Variants in PCDH15 observed in about 807,000 individuals in gnomAD.
The protein encoded by PCDH15 is protocadherin related 15.
In PCDH15, 129 loss-of-function variants were observed where a neutral mutation model predicts 178.5. The observed-to-expected ratio is 0.72, with a 90% CI of 0.63 to 0.84. The LOEUF is 0.84. Ranked by LOEUF, PCDH15 falls within the 40% of genes least tolerant of loss-of-function variation. PCDH15 has a pLI of 0.00. For missense variants in PCDH15, 2,230 were observed against 2,099.9 expected (o/e 1.06, Z -1.21); for synonymous variants, 800 against 732.0 (o/e 1.09, Z -1.50).
At chr10:55,173,548 A>C (rs1452584096) in intron 1 of PCDH15, among the ~76,000 whole-genome samples, 2 of 152,048 alleles carry the variant, frequency 1.3e-5, no homozygotes, top group African/African-American at 4.8e-5. Context: ...GTGTGGTTGA[A>C]AGCTTTAATG....
intron 28 of PCDH15, among the ~76,000 whole-genome samples, chr10:53,843,766 T>C (rs185853086): frequency 2.8e-4 from 42 of 152,230 alleles, no homozygotes; most frequent in Non-Finnish European, 5.3e-4. Context: ...TCAGGGCTTT[T>C]CATAAAATTA....
chr10:54,233,105 A>G (rs765168134), intron 9 of PCDH15, among the ~76,000 whole-genome samples: 1 of 151,538 alleles, frequency 6.6e-6, no homozygotes, highest in Non-Finnish European at 1.5e-5. Context: ...CACTATGCCC[A>G]GCTAATTCTT....
chr10:54,966,925 A>C (rs2131889882), intron 2 of PCDH15, among the ~76,000 whole-genome samples: 1 of 152,218 alleles, frequency 6.6e-6, no homozygotes, highest in South Asian at 2.1e-4. Context: ...GTAGTTGTGT[A>C]TCTAAAAATA....
chr10:54,198,731 G>C (rs2049939145), intron 10 of PCDH15, among the ~76,000 whole-genome samples: 1 of 95,016 alleles, frequency 1.1e-5, no homozygotes, highest in Non-Finnish European at 1.9e-5. Flanking sequence ...TCGATCTCCT[G>C]ACCTCGTGAT....
Position 54,549,254 on chromosome 10 carries a change from C to T in PCDH15, c.92-21377G>A, listed in dbSNP as rs187499921. Reference sequence around the variant, plus strand: ...ACACACACAATATTTCAGATAGATGCTTATTTTGTTGATTTTCAGCCTTTC... The same window carrying T: ...ACACACACAATATTTCAGATAGATGTTTATTTTGTTGATTTTCAGCCTTTC... On this transcript the variant is annotated intron_variant, in intron 2 of 37. Coordinates refer to ENST00000644397, the MANE Select transcript of PCDH15 (RefSeq NM_001384140.1). 5.7e-4 allele frequency among the ~76,000 whole-genome samples: 86 copies of T among 151,190 alleles called. 2 individuals carry two copies. The highest frequency in any genetic ancestry group is 5.4e-3 in the Admixed American group (82 of 15,138).
chr10:54,945,529 A>G (rs774246150), intron 2 of PCDH15, among the ~76,000 whole-genome samples: 2 of 151,630 alleles, frequency 1.3e-5, no homozygotes, highest in Non-Finnish European at 3.0e-5. Flanking sequence ...CAGTATGAGA[A>G]ATTTGTATTG....
At chr10:54,543,035 G>A (rs1308105780) in intron 2 of PCDH15, among the ~76,000 whole-genome samples, 3 of 152,170 alleles carry the variant, frequency 2.0e-5, no homozygotes, top group Non-Finnish European at 4.4e-5. Flanking sequence ...ACAGACACTG[G>A]CACGCGTGCA....
At chr10:54,869,595 C>G (rs1321911831) in intron 3 of PCDH15, among the ~76,000 whole-genome samples, 1 of 152,096 alleles carries the variant, frequency 6.6e-6, no homozygotes, top group Non-Finnish European at 1.5e-5. Context: ...TTATCCAATT[C>G]AAATCTTAAT....
chr10:55,601,383 C>T (rs7918624), intron 2 of PCDH15, among the ~76,000 whole-genome samples: 2 of 152,110 alleles, frequency 1.3e-5, no homozygotes, highest in African/African-American at 4.8e-5. Flanking sequence ...ATCAAAGTCA[C>T]ATTGAAATGT....
intron 15 of PCDH15, among the ~76,000 whole-genome samples, chr10:54,128,668 A>AT (rs2042177498): frequency 6.6e-6 from 1 of 152,084 alleles, no homozygotes; most frequent in Non-Finnish European, 1.5e-5. Context: ...TCTTACTTGG[A>AT]TTTTTTGGAG....
chr10:55,029,892 C>A (rs1275219889), intron 2 of PCDH15, among the ~76,000 whole-genome samples: 2 of 152,022 alleles, frequency 1.3e-5, no homozygotes, highest in Non-Finnish European at 2.9e-5. Flanking sequence ...GAAAAGACAG[C>A]CAATAGTGAT....
chr10:54,776,804 A>G (rs919274616), intron 1 of PCDH15, among the ~76,000 whole-genome samples: 3 of 152,156 alleles, frequency 2.0e-5, no homozygotes, highest in African/African-American at 7.2e-5. Context: ...TGATGGGAGT[A>G]TGTGACGTCA....
In PCDH15 at chr10:54,419,365, T is replaced by C. The variant is rs528558314; in HGVS notation, c.158-40423A>G. Among the ~76,000 whole-genome samples, 3 of 99,068 alleles carry C rather than the reference T, an allele frequency of 3.0e-5. No homozygotes were observed. In the South Asian group the frequency reaches 8.2e-4, roughly 27 times the overall value. 65.0% of individuals were successfully genotyped at this position (99,068 alleles called of 152,430 possible). ...TAAAATTCTTCTTGGCTTTTCTCCATTATAGAGCCAGCAATTTTGTGTAGC... is the reference window on the plus strand; with the variant it reads ...TAAAATTCTTCTTGGCTTTTCTCCACTATAGAGCCAGCAATTTTGTGTAGC... On this transcript the variant is annotated intron_variant, in intron 3 of 37. Coordinates refer to ENST00000644397, the MANE Select transcript of PCDH15 (RefSeq NM_001384140.1).
chr10:55,379,495 A>T (rs1394519601), intron 2 of PCDH15, among the ~76,000 whole-genome samples: 1 of 152,064 alleles, frequency 6.6e-6, no homozygotes, highest in Non-Finnish European at 1.5e-5. Context: ...TATTTAGTAC[A>T]TAGTAGGTTA....
At chr10:55,591,545 G>C (rs1047995560) in intron 2 of PCDH15, among the ~76,000 whole-genome samples, 1 of 152,042 alleles carries the variant, frequency 6.6e-6, no homozygotes, top group Non-Finnish European at 1.5e-5. Context: ...AAAGCAAGGG[G>C]TCAATAATTA....
intron 8 of PCDH15, among the ~76,000 whole-genome samples, chr10:54,272,014 A>G (rs1460802274): frequency 6.9e-6 from 1 of 144,986 alleles, no homozygotes; most frequent in African/African-American, 2.5e-5. Context: ...TATATCATAT[A>G]TATATATTTT....
chr10:54,294,156 A>G (rs573498618), intron 8 of PCDH15, among the ~76,000 whole-genome samples: 154 of 152,308 alleles, frequency 1.0e-3, no homozygotes, highest in African/African-American at 3.6e-3. Context: ...GGATGAGTTA[A>G]TGTTCTTTGC....
At chr10:54,945,364 TATAG>T (rs59385596) in intron 2 of PCDH15, among the ~76,000 whole-genome samples, 3,320 of 146,142 alleles carry the variant, frequency 0.023, 128 homozygotes, top group African/African-American at 0.076. Context: ...TAGATAGATA[TATAG>T]ATAGATAGAT....
At chr10:54,960,232 A>G (rs1838607895) in intron 2 of PCDH15, among the ~76,000 whole-genome samples, 1 of 152,176 alleles carries the variant, frequency 6.6e-6, no homozygotes, top group South Asian at 2.1e-4. Flanking sequence ...TCTTTGCCCA[A>G]TAATTCAAGT....
Sources: gnomAD v4.1 joint callset for allele counts (sites outside exome capture counted in the v4.1 genomes callset) on GRCh38, gnomAD v4.1.1 for gene constraint, MANE v1.5 for transcripts, NCBI Gene and HGNC (gene_info 2026-07-23, HGNC 2026-07-21) for gene names.